The following SDK1 variants were observed in gnomAD, a reference collection of about 807,000 sequenced individuals.
SDK1 encodes protein sidekick-1.
SDK1 carries 157 observed loss-of-function variants against 245.5 expected under a neutral mutation model. That is an observed-to-expected ratio of 0.64 (90% CI 0.56 to 0.73). The LOEUF (loss-of-function observed/expected upper bound fraction) is 0.73. Ranked by LOEUF, SDK1 falls within the 30% of genes least tolerant of loss-of-function variation. The pLI is 0.00. For missense variants in SDK1, 3,583 were observed against 3,002.3 expected (o/e 1.19, Z -4.52); for synonymous variants, 1,647 against 1,278.5 (o/e 1.29, Z -6.15).
intron 11 of SDK1, among the ~76,000 whole-genome samples, chr7:3,970,019 G>A (rs80144937): frequency 2.6e-3 from 399 of 152,334 alleles, no homozygotes; most frequent in African/African-American, 9.2e-3. Context: ...TTTTGGAAAT[G>A]CAGAGTAGTT....
At chr7:4,119,757 CT>C (rs1562838626) in intron 25 of SDK1, among the ~76,000 whole-genome samples, 2 of 148,774 alleles carry the variant, frequency 1.3e-5, no homozygotes, top group Non-Finnish European at 3.0e-5. Flanking sequence ...AATAAAAAGC[CT>C]TTTTAAAGAT....
rs112338968 is a variant in SDK1 at position 3,884,141 on chromosome 7, CA to C, written c.847+62559del. Among the ~76,000 whole-genome samples, 8 of 149,360 alleles carry C rather than the reference CA, an allele frequency of 5.4e-5. 2 individuals carry two copies. Among genetic ancestry groups the C allele is most frequent in the African/African-American group, 2.0e-4 (8 of 40,620 alleles). Reference sequence around the variant, plus strand: ...TGTCACGCAGGCTGGAGGGCAGTTGCAGAATCATAGCTCGCTGCAGCCTCGA... The same window carrying C: ...TGTCACGCAGGCTGGAGGGCAGTTGCGAATCATAGCTCGCTGCAGCCTCGA... On this transcript the variant is annotated intron_variant, in intron 5 of 44. Transcript: ENST00000404826.
chr7:3,959,874 A>C (rs983571814), intron 8 of SDK1, among the ~76,000 whole-genome samples: 1 of 151,772 alleles, frequency 6.6e-6, no homozygotes, highest in Non-Finnish European at 1.5e-5. Flanking sequence ...CCATGCTTCA[A>C]TTACAAGCTG....
chr7:4,224,281 C>T (rs552266835), intron 40 of SDK1, among the ~76,000 whole-genome samples: 4 of 152,344 alleles, frequency 2.6e-5, no homozygotes, highest in African/African-American at 7.2e-5. Flanking sequence ...GGTGGCTTTG[C>T]TTCTGGGGAG....
At chr7:4,068,497 G>C (rs1780041764) in intron 20 of SDK1, among the ~76,000 whole-genome samples, 1 of 151,916 alleles carries the variant, frequency 6.6e-6, no homozygotes, top group South Asian at 2.1e-4. Flanking sequence ...GGTGAGATCT[G>C]GGTCTTCTGA....
chr7:3,303,148 C>A lies in SDK1; in HGVS notation c.298+1264C>A, dbSNP rs573834563. On this transcript the variant is annotated intron_variant, in intron 1 of 44. Coordinates refer to ENST00000404826, the MANE Select transcript of SDK1 (RefSeq NM_152744.4). ...CATATTTCTGGTTAATTTAACTCCT[C>A]CATTACTTGGAAAATTTTCATTTCA... Among the ~76,000 whole-genome samples the A allele has an allele frequency of 1.7e-4, 26 of 152,240 alleles. No individual in the cohort carries two copies. The East Asian group carries it at 5.0e-3, about 29-fold the overall frequency.
chr7:3,853,815 C>T (rs1583479056), intron 5 of SDK1, among the ~76,000 whole-genome samples: 1 of 152,042 alleles, frequency 6.6e-6, no homozygotes, highest in African/African-American at 2.4e-5. Flanking sequence ...ATGGTGAAAC[C>T]TCCTCTCTAC....
At chr7:3,314,067 AT>A (rs555704936) in intron 1 of SDK1, among the ~76,000 whole-genome samples, 2 of 152,212 alleles carry the variant, frequency 1.3e-5, no homozygotes, top group African/African-American at 2.4e-5. Flanking sequence ...ACACCAAAAA[AT>A]ACAGCGCCAA....
At chr7:3,798,343 G>A (rs1354894513) in intron 4 of SDK1, among the ~76,000 whole-genome samples, 3 of 149,642 alleles carry the variant, frequency 2.0e-5, no homozygotes, top group Non-Finnish European at 4.4e-5. Flanking sequence ...TCAGCCTCCC[G>A]AGTAGCTGGG....
At chr7:4,097,906 C>A (rs2128186022) in intron 22 of SDK1, among the ~76,000 whole-genome samples, 1 of 152,174 alleles carries the variant, frequency 6.6e-6, no homozygotes, top group East Asian at 1.9e-4. Flanking sequence ...CTAATGACTC[C>A]TTCCATAATC....
At chr7:3,663,709 A>G (rs1783438046) in intron 4 of SDK1, among the ~76,000 whole-genome samples, 1 of 152,160 alleles carries the variant, frequency 6.6e-6, no homozygotes, top group Non-Finnish European at 1.5e-5. Flanking sequence ...CTACTTGTTT[A>G]TAGCTACTGT....
chr7:3,437,421 A>T (rs558651591), intron 1 of SDK1, among the ~76,000 whole-genome samples: 2 of 152,270 alleles, frequency 1.3e-5, no homozygotes, highest in South Asian at 2.1e-4. Context: ...AACTTTAAAA[A>T]AAGATGTGAA....
intron 1 of SDK1, among the ~76,000 whole-genome samples, chr7:3,522,100 A>C (rs1305481300): frequency 4.0e-5 from 6 of 151,732 alleles, no homozygotes; most frequent in Non-Finnish European, 8.8e-5. Context: ...TTAAGTGACT[A>C]CTTCATTAAC....
intron 2 of SDK1, among the ~76,000 whole-genome samples, chr7:3,629,900 A>G (rs1375757577): frequency 6.6e-6 from 1 of 152,374 alleles, no homozygotes; most frequent in East Asian, 1.9e-4. Context: ...ATAATGAAAC[A>G]GTTATAACTG....
At chr7:4,169,032 T>C (rs1205840765) in intron 32 of SDK1, among the ~76,000 whole-genome samples, 2 of 152,130 alleles carry the variant, frequency 1.3e-5, no homozygotes, top group Non-Finnish European at 2.9e-5. Flanking sequence ...AGGCATGTGC[T>C]GGGTGAGAGC....
intron 1 of SDK1, among the ~76,000 whole-genome samples, chr7:3,561,769 C>T (rs1486694871): frequency 6.6e-6 from 1 of 152,178 alleles, no homozygotes; most frequent in Non-Finnish European, 1.5e-5. Flanking sequence ...TTCCAGAATA[C>T]ACTGTTTCTA....
rs187989786 is a variant in SDK1, at chr7:3,620,363, C to T, written c.458+1124C>T. ...TGTTGCCCAGGCTGGAGTGCAGTGG[C>T]GCGATCTTGGCTCACTGCAACCTCC... is the stretch of plus-strand genomic sequence containing the variant. On this transcript the variant is annotated intron_variant, in intron 2 of 44. Transcript: ENST00000404826. 7.2e-5 allele frequency among the ~76,000 whole-genome samples: 11 copies of T among 151,728 alleles called. No homozygotes were observed. The East Asian group carries it at 1.4e-3, about 19-fold the overall frequency.
intron 22 of SDK1, among the ~76,000 whole-genome samples, chr7:4,083,247 C>T (rs1781176862): frequency 1.3e-5 from 2 of 152,100 alleles, no homozygotes; most frequent in African/African-American, 2.4e-5. Flanking sequence ...GTCCTTGCAG[C>T]CCCCACTATC....
At chr7:4,233,070 C>T (rs1785898319) in intron 40 of SDK1, 185 bp from the exon 41 acceptor site, 1 of 573,532 alleles carries the variant, frequency 1.7e-6, no homozygotes, top group Non-Finnish European at 3.1e-6. Flanking sequence ...CACCATTCAT[C>T]TCCAGAACGC....
Sources: allele counts gnomAD v4.1 joint callset (sites outside exome capture counted in the v4.1 genomes callset), GRCh38; gene constraint gnomAD v4.1.1; transcripts MANE v1.5; gene names NCBI Gene and HGNC (gene_info 2026-07-23, HGNC 2026-07-21).